Variants in PATJ observed in about 807,000 individuals in gnomAD.
The protein encoded by PATJ is PATJ crumbs cell polarity complex component.
PATJ carries 190 observed loss-of-function variants against 224.9 expected under a neutral mutation model. The observed-to-expected ratio is 0.84, with a 90% CI of 0.75 to 0.95. The LOEUF (loss-of-function observed/expected upper bound fraction) is 0.95, where lower values mean the gene tolerates loss of function less well. PATJ is among the 40% of genes least tolerant of loss of function. The probability of loss-of-function intolerance (pLI) is 0.00; values close to 1 mark genes in which losing one functional copy is unlikely to be tolerated. For missense variants in PATJ, 2,121 were observed against 2,270.3 expected, an observed-to-expected ratio of 0.93 and a Z score of 1.34; for synonymous variants, 769 against 820.3, an observed-to-expected ratio of 0.94 and a Z score of 1.07.
rs932759167 is a variant in PATJ, at chr1:62,038,186, T to C, written c.4032+137T>C. The C allele has an allele frequency of 6.2e-6, 3 of 483,026 alleles. No individual in the cohort carries two copies. The East Asian group carries it at 9.8e-5, about 16-fold the overall frequency. The allele number at this position is 483,026 out of a possible 1,614,324, so 29.9% of individuals were successfully genotyped here. A position where few individuals can be genotyped will look rare whatever the true frequency, so the allele number is the denominator to read the frequency against. ...ATTTCCCTAACCAAAATGGAAAGTA[T>C]TGAGGTATTGATTATAAAGTAACTT... On this transcript the variant is annotated intron_variant, in intron 30 of 43. Coordinates refer to ENST00000642238, the MANE Select transcript of PATJ (RefSeq NM_001350145.3).
chr1:61,913,521 T>C (rs552351948), intron 25 of PATJ, among the ~76,000 whole-genome samples: 1 of 152,320 alleles, frequency 6.6e-6, no homozygotes, highest in East Asian at 1.9e-4. Flanking sequence ...TTTTTTCTTT[T>C]AATCTTCATG....
At chr1:61,871,569 T>A (rs1241000740) in intron 20 of PATJ, among the ~76,000 whole-genome samples, 2 of 106,012 alleles carry the variant, frequency 1.9e-5, no homozygotes, top group South Asian at 3.1e-4. Context: ...TTTTTTTTTT[T>A]TTTTTTTTTT....
chr1:61,848,424 C>T lies in PATJ; in HGVS notation c.2113-7606C>T, dbSNP rs996252238. Among the ~76,000 whole-genome samples the T allele has an allele frequency of 3.9e-5, 6 of 152,260 alleles. No homozygotes were observed. The East Asian group carries it at 5.8e-4, about 15-fold the overall frequency. On this transcript the variant is annotated intron_variant, in intron 17 of 43. Coordinates refer to ENST00000642238, the MANE Select transcript of PATJ (RefSeq NM_001350145.3). ...TTTTAATTCATGCTAGCTGTGCCAC[C>T]GAGCTTGTGCCGATCACTGTTTTCC...
intron 27 of PATJ, among the ~76,000 whole-genome samples, chr1:61,965,005 G>A (rs1000595877): frequency 4.0e-5 from 6 of 150,928 alleles, no homozygotes; most frequent in East Asian, 2.0e-4. Flanking sequence ...CCAGCTGCTC[G>A]GGAGGCTGAG....
intron 26 of PATJ, among the ~76,000 whole-genome samples, chr1:61,920,189 A>T (rs2149257231): frequency 6.6e-6 from 1 of 152,320 alleles, no homozygotes; most frequent in African/African-American, 2.4e-5. Flanking sequence ...CCCTTTTATT[A>T]ATATGTGGCA....
chr1:61,979,045 T>C (rs1400981645), intron 27 of PATJ, among the ~76,000 whole-genome samples: 1 of 152,066 alleles, frequency 6.6e-6, no homozygotes, highest in Non-Finnish European at 1.5e-5. Context: ...GGGATTCCTT[T>C]CTTCAGATAA....
At chr1:62,084,758 G>T (rs1659748380) in intron 33 of PATJ, 110 bp downstream of exon 33, 1 of 1,071,920 alleles carries the variant, frequency 9.3e-7, no homozygotes, top group Non-Finnish European at 1.4e-6. Flanking sequence ...AGTATGAGGA[G>T]AAAATGTGAT....
intron 29 of PATJ, among the ~76,000 whole-genome samples, chr1:62,026,066 T>C (rs1462709187): frequency 6.6e-6 from 1 of 152,188 alleles, no homozygotes; most frequent in East Asian, 1.9e-4. Context: ...GTAATTGACA[T>C]TGTTTGAAGG....
At chr1:62,080,280 A>T (rs761848209) in intron 32 of PATJ, among the ~76,000 whole-genome samples, 1 of 152,068 alleles carries the variant, frequency 6.6e-6, no homozygotes, top group Admixed American at 6.6e-5. Context: ...AATTATGCTG[A>T]CTGGGGGTTG....
intron 33 of PATJ, among the ~76,000 whole-genome samples, chr1:62,104,851 T>C (rs1246523390): frequency 3.9e-5 from 6 of 151,996 alleles, no homozygotes; most frequent in Admixed American, 2.6e-4. Context: ...TTTGTATTTT[T>C]AGTAGAGACG....
chr1:62,005,795 C>T (rs1255892718), intron 28 of PATJ, among the ~76,000 whole-genome samples: 6 of 152,110 alleles, frequency 3.9e-5, no homozygotes, highest in Non-Finnish European at 8.8e-5. Context: ...CAGAGAAGGA[C>T]TCTCAGATTT....
chr1:61,846,868 G>A (rs1662053920), intron 17 of PATJ, among the ~76,000 whole-genome samples: 1 of 152,156 alleles, frequency 6.6e-6, no homozygotes, highest in African/African-American at 2.4e-5. Context: ...CAAAGTGCTG[G>A]GATTACAGGC....
intron 41 of PATJ, among the ~76,000 whole-genome samples, chr1:62,130,445 G>C (rs1294768168): frequency 6.6e-6 from 1 of 152,008 alleles, no homozygotes; most frequent in Non-Finnish European, 1.5e-5. Context: ...CAGGAGAATT[G>C]CTTGAGCCCA....
intron 39 of PATJ, among the ~76,000 whole-genome samples, chr1:62,123,305 A>T (rs1367147150): frequency 1.3e-5 from 2 of 151,906 alleles, no homozygotes; most frequent in Non-Finnish European, 2.9e-5. Flanking sequence ...TTTTATTTTT[A>T]TTTATTTATT....
In PATJ at chr1:62,162,682, C is replaced by A. The variant is rs1669921840; in HGVS notation, c.*1628C>A. Reference sequence around the variant, plus strand: ...AAAGTACCATGGCCGGGTGCAGTGGCTCACGCCTGTAATCCCAGCACTTTG... The same window carrying A: ...AAAGTACCATGGCCGGGTGCAGTGGATCACGCCTGTAATCCCAGCACTTTG... On this transcript the variant is annotated 3_prime_UTR_variant, in exon 44 of 44. Transcript: ENST00000642238. 6.3e-6 allele frequency: 1 copy of A among 157,556 alleles called. No individual in the cohort carries two copies. Among genetic ancestry groups the A allele is most frequent in the Admixed American group, 6.5e-5 (1 of 15,368 alleles). The allele number at this position is 157,556 out of a possible 1,614,324, so 9.8% of individuals were successfully genotyped here.
intron 30 of PATJ, among the ~76,000 whole-genome samples, chr1:62,046,204 AAAG>A (rs1346472349): frequency 2.7e-5 from 4 of 147,222 alleles, no homozygotes; most frequent in Admixed American, 6.7e-5. Context: ...GGTGAAGAAA[AAAG>A]AAAGGAAGGA....
intron 26 of PATJ, among the ~76,000 whole-genome samples, chr1:61,926,164 T>C (rs1675166174): frequency 6.6e-6 from 1 of 152,180 alleles, no homozygotes; most frequent in African/African-American, 2.4e-5. Flanking sequence ...TTTTGTGCTC[T>C]ACCCTGGTGA....
intron 20 of PATJ, among the ~76,000 whole-genome samples, chr1:61,871,098 A>T (rs1571011289): frequency 3.3e-5 from 4 of 122,498 alleles, no homozygotes; most frequent in Admixed American, 8.6e-5. Context: ...TTTTTGCCTG[A>T]GGGTTATTTA....
chr1:61,821,900 ATGGG>A (rs1553169908), intron 14 of PATJ, among the ~76,000 whole-genome samples: 1 of 152,204 alleles, frequency 6.6e-6, no homozygotes, highest in Non-Finnish European at 1.5e-5. Context: ...ACCAACAAAG[ATGGG>A]TGCAACTGAG....
Sources: gnomAD v4.1 joint callset for allele counts (sites outside exome capture counted in the v4.1 genomes callset) on GRCh38, gnomAD v4.1.1 for gene constraint, MANE v1.5 for transcripts, NCBI Gene and HGNC (gene_info 2026-07-23, HGNC 2026-07-21) for gene names.